ZC3HAV1: variants seen among roughly 807,000 people sequenced by gnomAD.
ZC3HAV1 encodes the protein zinc finger CCCH-type antiviral protein 1.
A neutral mutation model predicts 86.6 loss-of-function variants in ZC3HAV1; 41 were observed. The observed-to-expected ratio is 0.47, with a 90% CI of 0.37 to 0.61. The LOEUF is 0.61. Ranked by LOEUF, ZC3HAV1 falls within the 20% of genes least tolerant of loss-of-function variation. The pLI is 0.00. For synonymous variants in ZC3HAV1, 421 were observed against 432.1 expected, an observed-to-expected ratio of 0.97 and a Z score of 0.32; for missense variants, 964 against 1,141.1, an observed-to-expected ratio of 0.84 and a Z score of 2.24.
Position 139,054,047 on chromosome 7 carries a change from G to C in ZC3HAV1, c.2236C>G (p.His746Asp). ...AAATTTTTCATGGAAGCTTTAAAATGCTCACTTACTCTGACATATTCTGGA... is the reference window on the plus strand; with the variant it reads ...AAATTTTTCATGGAAGCTTTAAAATCCTCACTTACTCTGACATATTCTGGA... ...LHPEYVRVSEHFKASMKNFKI... is the reference protein window; with the variant it reads ...LHPEYVRVSEDFKASMKNFKI... Residue 746 changes from histidine to aspartate, a missense_variant, in exon 11 of 13, where the codon CAT becomes GAT. Transcript: ENST00000242351. The C allele has an allele frequency of 6.2e-7, 1 of 1,606,724 alleles. No homozygotes were observed. The highest frequency in any genetic ancestry group is 8.5e-7 in the Non-Finnish European group (1 of 1,178,130).
chr7:139,100,937 T>C (rs1357704280), intron 1 of ZC3HAV1, among the ~76,000 whole-genome samples: 2 of 152,164 alleles, frequency 1.3e-5, no homozygotes, highest in Non-Finnish European at 2.9e-5. Context: ...CACTGCAACC[T>C]CCCTGCCTGA....
At chr7:139,078,885 C>T (rs191502537) in intron 4 of ZC3HAV1, among the ~76,000 whole-genome samples, 3 of 152,310 alleles carry the variant, frequency 2.0e-5, no homozygotes, top group Non-Finnish European at 2.9e-5. Flanking sequence ...TTGAAATATT[C>T]CTATTGTCAA....
chr7:139,047,508 A>G lies in ZC3HAV1; in HGVS notation c.*86T>C. On this transcript the variant is annotated 3_prime_UTR_variant, in exon 13 of 13. Coordinates refer to ENST00000242351, the MANE Select transcript of ZC3HAV1 (RefSeq NM_020119.4). ...ATTAGATAACTGAGCAGGAAAATAT[A>G]AAACTTTAACTCCTGTCTGCGGCAA... 1 of 1,567,178 alleles carries G rather than the reference A, an allele frequency of 6.4e-7. No individual in the cohort carries two copies. The highest frequency in any genetic ancestry group is 8.7e-7 in the Non-Finnish European group (1 of 1,155,848).
At position 139,109,354 on chromosome 7, in the gene ZC3HAV1, T is replaced by C; in HGVS notation, c.-23A>G. The C allele has an allele frequency of 6.5e-7, 1 of 1,544,626 alleles. No homozygotes were observed. Among genetic ancestry groups the C allele is most frequent in the Non-Finnish European group, 8.7e-7 (1 of 1,146,566 alleles). ...CATGGCGCGCTGGCTGTGCTGGCTC[T>C]GCCGCGGCGCGGGACTCGGTTCCGC... On this transcript the variant is annotated 5_prime_UTR_variant, in exon 1 of 13. Transcript: ENST00000242351.
intron 1 of ZC3HAV1, among the ~76,000 whole-genome samples, chr7:139,107,275 C>T (rs1398149529): frequency 6.6e-6 from 1 of 152,142 alleles, no homozygotes; most frequent in East Asian, 1.9e-4. Context: ...AACTCAGAAA[C>T]AACCTTCAAA....
chr7:139,051,059 C>T (rs1439928498), intron 12 of ZC3HAV1, among the ~76,000 whole-genome samples: 1 of 151,650 alleles, frequency 6.6e-6, no homozygotes, highest in Admixed American at 6.6e-5. Context: ...GGACCTGTTC[C>T]TTTTTTTCTT....
chr7:139,063,648 A>G (rs1280844497), intron 8 of ZC3HAV1, among the ~76,000 whole-genome samples: 1 of 148,772 alleles, frequency 6.7e-6, no homozygotes, highest in Non-Finnish European at 1.5e-5. Context: ...CGCTTGAGCC[A>G]GGGAGGTTGA....
At position 139,096,723 on chromosome 7, in the gene ZC3HAV1, G is replaced by A. The variant is rs549600696; in HGVS notation, c.309-6964C>T. Among the ~76,000 whole-genome samples, 6 of 152,176 alleles carry A rather than the reference G, an allele frequency of 3.9e-5. 1 individual carries two copies. The South Asian group carries it at 6.2e-4, about 16-fold the overall frequency. ...TTCTTTTACTCACTCCCTCAAACTC[G>A]AAAGCCACATAAAACTCTGCATTTG... On this transcript the variant is annotated intron_variant, in intron 1 of 12. Transcript: ENST00000242351.
intron 7 of ZC3HAV1, among the ~76,000 whole-genome samples, chr7:139,066,172 G>A (rs1189144582): frequency 2.0e-5 from 3 of 152,098 alleles, no homozygotes; most frequent in East Asian, 1.9e-4. Context: ...TGTTTCCTGT[G>A]ATCTAGAACA....
Position 139,057,550 on chromosome 7 carries a change from T to C in ZC3HAV1, c.2097-2255A>G. ...CAATTACATTTTTTTTTTTTTTTTTTTTTTTTGAGACGGAGTCTCCCTCTG... is the reference window on the plus strand; with the variant it reads ...CAATTACATTTTTTTTTTTTTTTTTCTTTTTTGAGACGGAGTCTCCCTCTG... On this transcript the variant is annotated intron_variant, in intron 9 of 12. Coordinates refer to ENST00000242351, the MANE Select transcript of ZC3HAV1 (RefSeq NM_020119.4). 3.1e-5 allele frequency among the ~76,000 whole-genome samples: 2 copies of C among 65,100 alleles called. 1 individual carries two copies. The highest frequency in any genetic ancestry group is 1.0e-3 in the East Asian group (2 of 1,994). 42.7% of individuals were successfully genotyped at this position (65,100 alleles called of 152,430 possible). A position where few individuals can be genotyped will look rare whatever the true frequency, so the allele number is the denominator to read the frequency against.
intron 1 of ZC3HAV1, among the ~76,000 whole-genome samples, chr7:139,092,730 A>G (rs1817470946): frequency 1.3e-5 from 2 of 152,240 alleles, no homozygotes; most frequent in African/African-American, 4.8e-5. Flanking sequence ...CCCATGCTGC[A>G]CTGGCTGGGG....
Position 139,079,644 on chromosome 7 carries a change from C to G in ZC3HAV1, c.1297G>C (p.Asp433His). 1 of 1,614,176 alleles carries G rather than the reference C, an allele frequency of 6.2e-7. No homozygotes were observed. Among genetic ancestry groups the G allele is most frequent in the Non-Finnish European group, 8.5e-7 (1 of 1,180,026 alleles). The change falls in exon 4 of 13, where the codon GAT becomes CAT. Residue 433 changes from aspartate to histidine, a missense_variant. Coordinates refer to ENST00000242351, the MANE Select transcript of ZC3HAV1 (RefSeq NM_020119.4). ...QPGPLFNNNA[D>H]GVATDITSTR... ...GAAGTTATATCTGTGGCCACTCCATCAGCATTATTATTAAAAAGAGGGCCA... is the reference window on the plus strand; with the variant it reads ...GAAGTTATATCTGTGGCCACTCCATGAGCATTATTATTAAAAAGAGGGCCA...
At position 139,051,818 on chromosome 7, in the gene ZC3HAV1, C is replaced by T. The variant is rs565670859; in HGVS notation, c.2449+1633G>A. On this transcript the variant is annotated intron_variant, in intron 12 of 12. Transcript: ENST00000242351. ...CACTGTGTACCCACCATCTAGTGTA[C>T]AGAAGACACTCAAAAATATTTGCTG... Among the ~76,000 whole-genome samples, 34 of 152,294 alleles carry T rather than the reference C, an allele frequency of 2.2e-4. No individual in the cohort carries two copies. In the South Asian group the frequency reaches 6.2e-3, roughly 28 times the overall value.
intron 1 of ZC3HAV1, among the ~76,000 whole-genome samples, chr7:139,102,321 G>C (rs1444240754): frequency 6.6e-6 from 1 of 152,052 alleles, no homozygotes; most frequent in Non-Finnish European, 1.5e-5. Flanking sequence ...TAATGTTTTT[G>C]TAGGAGCTAT....
chr7:139,074,435 A>G (rs1234312960), intron 6 of ZC3HAV1, among the ~76,000 whole-genome samples: 1 of 152,198 alleles, frequency 6.6e-6, no homozygotes, highest in Non-Finnish European at 1.5e-5. Context: ...GATTTTCATA[A>G]TAACATTAAA....
At chr7:139,093,590 A>G (rs1180472417) in intron 1 of ZC3HAV1, among the ~76,000 whole-genome samples, 1 of 152,144 alleles carries the variant, frequency 6.6e-6, no homozygotes, top group African/African-American at 2.4e-5. Flanking sequence ...TCCTGGCTCA[A>G]AAGCTCCCCC....
At chr7:139,065,805 G>C (rs920835297) in intron 7 of ZC3HAV1, among the ~76,000 whole-genome samples, 1 of 152,102 alleles carries the variant, frequency 6.6e-6, no homozygotes, top group African/African-American at 2.4e-5. Context: ...TCGGGAGGCT[G>C]AGACAGGAGA....
intron 1 of ZC3HAV1, among the ~76,000 whole-genome samples, chr7:139,101,506 G>A (rs1258336152): frequency 1.9e-5 from 2 of 103,706 alleles, no homozygotes; most frequent in Admixed American, 1.2e-4. Context: ...CCCCGTCTGG[G>A]AGGTGTACCC....
intron 2 of ZC3HAV1, among the ~76,000 whole-genome samples, chr7:139,087,018 A>G (rs1817289280): frequency 1.3e-5 from 2 of 152,204 alleles, no homozygotes; most frequent in Admixed American, 1.3e-4. Context: ...CAGGAACTCA[A>G]CGTAGATGTG....
Sources: gnomAD v4.1 joint callset for allele counts (sites outside exome capture counted in the v4.1 genomes callset) on GRCh38, gnomAD v4.1.1 for gene constraint, MANE v1.5 for transcripts, NCBI Gene and HGNC (gene_info 2026-07-23, HGNC 2026-07-21) for gene names.